SMARCA4: variants seen among roughly 807,000 people sequenced by gnomAD.
The protein encoded by SMARCA4 is SWI/SNF-related matrix-associated actin-dependent regulator of chromatin subfamily A member 4.
A neutral mutation model predicts 193.9 loss-of-function variants in SMARCA4; 31 were observed. That is an observed-to-expected ratio of 0.16 (90% confidence interval 0.12 to 0.22). SMARCA4 has a LOEUF of 0.22. Among genes scored for constraint, SMARCA4 ranks in the 10% least tolerant of loss-of-function variants. The probability of loss-of-function intolerance (pLI) is 1.00; values close to 1 mark genes in which losing one functional copy is unlikely to be tolerated. For synonymous variants in SMARCA4, 942 were observed against 933.1 expected (o/e 1.01, Z -0.17); for missense variants, 1,148 against 2,296.0 (o/e 0.50, Z 10.22).
In SMARCA4 at chr19:11,033,807, C is replaced by T. The variant is rs1600393609; in HGVS notation, c.3815C>T (p.Ala1272Val). 1 of 779,788 alleles carries T rather than the reference C, an allele frequency of 1.3e-6. No individual in the cohort carries two copies. The highest frequency in any genetic ancestry group is 2.4e-6 in the Non-Finnish European group (1 of 418,202). The allele number at this position is 779,788 out of a possible 1,614,324, so 48.3% of individuals were successfully genotyped here. Residue 1272 changes from alanine to valine, a missense_variant, in exon 27 of 35, where the codon GCC (alanine) becomes GTC (valine). Ala to Val is a moderately conservative substitution (Grantham distance 64). Transcript: ENST00000344626. This position sits in a 1 kb window ranked among gnomAD's most constrained non-coding sequence, Gnocchi z 9.8. The part of the protein sequence containing the change: ...CSTGSGSASF[A>V]HTAPPPAGVN... Reference sequence around the variant, plus strand: ...ACGGGCAGCGGCAGTGCCAGCTTCGCCCACACTGCCCCTCCGCCAGCGGGC... The same window carrying T: ...ACGGGCAGCGGCAGTGCCAGCTTCGTCCACACTGCCCCTCCGCCAGCGGGC...
intron 21 of SMARCA4, 151 bp from the exon 22 acceptor site, chr19:11,025,271 C>G (rs1028535643): frequency 3.0e-6 from 2 of 665,916 alleles, no homozygotes; most frequent in Non-Finnish European, 5.5e-6. Flanking sequence ...CTCCAGCCTG[C>G]CATCTCCTCA....
rs1418442848 is a variant in SMARCA4 at position 11,039,401 on chromosome 19, A to C, written c.4171-1906A>C. 10 of 1,030,338 alleles carry C rather than the reference A, an allele frequency of 9.7e-6. No homozygotes were observed. In the African/African-American group the frequency reaches 1.5e-4, roughly 15 times the overall value. The allele number at this position is 1,030,338 out of a possible 1,614,324, so 63.8% of individuals were successfully genotyped here. On this transcript the variant is annotated intron_variant, in intron 29 of 34. Transcript: ENST00000344626. ...AATGCCCAAGAACAAGGGGAGGCTA[A>C]ATTAGGGCACGTTGTGCACTGAAAC...
At position 10,995,248 on chromosome 19, in the gene SMARCA4, A is replaced by T. The variant is rs1446711402; in HGVS notation, c.1593+247A>T. 7.8e-6 allele frequency: 5 copies of T among 642,088 alleles called. No homozygotes were observed. The Admixed American group carries it at 1.0e-4, about 13-fold the overall frequency. 39.8% of individuals were successfully genotyped at this position (642,088 alleles called of 1,614,324 possible). A position where few individuals can be genotyped will look rare whatever the true frequency, so the allele number is the denominator to read the frequency against. On this transcript the variant is annotated intron_variant, in intron 9 of 34. Transcript: ENST00000344626. ...CCGGCTCCTCTGCCTTCTCTGGAAA[A>T]TGGAGGTGGTGCCCCCTTCCCTCGT...
intron 29 of SMARCA4, among the ~76,000 whole-genome samples, chr19:11,036,997 G>A (rs559158184): frequency 2.4e-4 from 36 of 152,316 alleles, no homozygotes; most frequent in Non-Finnish European, 3.1e-4. Flanking sequence ...ATCCTGCCTC[G>A]TACAGATTTG....
intron 29 of SMARCA4, among the ~76,000 whole-genome samples, chr19:11,037,812 G>A (rs2075355748): frequency 6.6e-6 from 1 of 152,202 alleles, no homozygotes; most frequent in Non-Finnish European, 1.5e-5. Flanking sequence ...TATACATGAT[G>A]TGAGGTAGGG....
rs1445070352 is a variant in SMARCA4 at position 11,061,202 on chromosome 19, AAAATATATATATATATATATATAT to A, written c.4912-580_4912-557del. On this transcript the variant is annotated intron_variant, in intron 34 of 34. Coordinates refer to ENST00000344626, the MANE Select transcript of SMARCA4 (RefSeq NM_003072.5). ...GACCCTGTCTTTAAAAAAAAAAAAA[AAAATATATATATATATATATATAT>A]ATATATATATATATATGAAAGAGCA... Among the ~76,000 whole-genome samples the A allele has an allele frequency of 4.1e-3, 255 of 61,448 alleles. 6 individuals are homozygous for A. Among genetic ancestry groups the A allele is most frequent in the Non-Finnish European group, 2.1e-3 (74 of 35,046 alleles). 40.3% of individuals were successfully genotyped at this position (61,448 alleles called of 152,430 possible).
intron 1 of SMARCA4, among the ~76,000 whole-genome samples, chr19:10,971,742 A>G (rs1012196121): frequency 6.6e-6 from 1 of 150,782 alleles, no homozygotes; most frequent in African/African-American, 2.4e-5. Flanking sequence ...TGCTGGAATT[A>G]CAGGCGTGAG....
rs2086010606 is a variant in SMARCA4, at chr19:10,986,164, C to A, written c.356-25C>A. ...ATCACAGACATATGCTGCCGAGTGA[C>A]CAGTGGGCTGACCTTTCTCTGCAGG... On this transcript the variant is annotated intron_variant, in intron 3 of 34. Transcript: ENST00000344626. This position sits in a 1 kb window ranked among gnomAD's most constrained non-coding sequence, Gnocchi z 6.7. 3 of 1,579,542 alleles carry A rather than the reference C, an allele frequency of 1.9e-6. No homozygotes were observed. Among genetic ancestry groups the A allele is most frequent in the Non-Finnish European group, 2.6e-6 (3 of 1,148,938 alleles).
chr19:11,033,915 G>T lies in SMARCA4; in HGVS notation c.3873+50G>T. On this transcript the variant is annotated intron_variant, in intron 27 of 34. Transcript: ENST00000344626. This position sits in a 1 kb window ranked among gnomAD's most constrained non-coding sequence, Gnocchi z 9.8. ...TGCCCATTCAATCCTCGGCTTCTCGGCTGAGACGGCCAGCAAGGGCCCTGG... is the reference window on the plus strand; with the variant it reads ...TGCCCATTCAATCCTCGGCTTCTCGTCTGAGACGGCCAGCAAGGGCCCTGG... The T allele has an allele frequency of 1.3e-6, 1 of 763,378 alleles. No individual in the cohort carries two copies. Among genetic ancestry groups the T allele is most frequent in the Non-Finnish European group, 2.4e-6 (1 of 413,698 alleles). 47.3% of individuals were successfully genotyped at this position (763,378 alleles called of 1,614,324 possible). A position where few individuals can be genotyped will look rare whatever the true frequency, so the allele number is the denominator to read the frequency against.
chr19:11,058,664 C>T lies in SMARCA4; in HGVS notation c.4534-124C>T, dbSNP rs549995195. ...TAGTGAGCCAGGTTACCGAGGCTGG[C>T]GCTTCGGCCACATCCTCATAGGCAC... On this transcript the variant is annotated intron_variant, in intron 31 of 34. Transcript: ENST00000344626. The surrounding 1 kb of genome is among the most constrained non-coding windows in gnomAD (Gnocchi z 5.8). 33 of 820,102 alleles carry T rather than the reference C, an allele frequency of 4.0e-5. 1 individual carries two copies. The highest frequency in any genetic ancestry group is 3.7e-4 in the South Asian group (26 of 70,486). 50.8% of individuals were successfully genotyped at this position (820,102 alleles called of 1,614,324 possible). A position where few individuals can be genotyped will look rare whatever the true frequency, so the allele number is the denominator to read the frequency against.
chr19:10,970,309 A>G (rs547506960), intron 1 of SMARCA4, among the ~76,000 whole-genome samples: 13 of 152,310 alleles, frequency 8.5e-5, no homozygotes, highest in African/African-American at 2.9e-4. Context: ...GCTTTAGCAA[A>G]TCAATCAAAT....
chr19:10,982,561 A>G (rs1008800803), intron 1 of SMARCA4, among the ~76,000 whole-genome samples: 1 of 150,586 alleles, frequency 6.6e-6, no homozygotes, highest in Non-Finnish European at 1.5e-5. Context: ...GTGCGGTGGC[A>G]CGATCTCGGC....
At chr19:11,061,661 C>A in intron 34 of SMARCA4, 123 bp from the exon 35 acceptor site, 2 of 955,278 alleles carry the variant, frequency 2.1e-6, no homozygotes, top group Non-Finnish European at 3.4e-6. Flanking sequence ...CGGGCGTGAG[C>A]CACCGTGCCC....
rs199595538 is a variant in SMARCA4, at chr19:11,059,230, CTCTG to C, written c.4635+347_4635+350del. The C allele has an allele frequency of 0.012, 3,693 of 319,382 alleles. 85 individuals are homozygous for C. The highest frequency in any genetic ancestry group is 0.044 in the South Asian group (1,312 of 29,942). 19.8% of individuals were successfully genotyped at this position (319,382 alleles called of 1,614,324 possible). ...CAACAGAAGAAATAGACTCAGAGTC[CTCTG>C]TCTGTTGGAATTTTATTTTAAATTC... On this transcript the variant is annotated intron_variant, in intron 32 of 34. Transcript: ENST00000344626.
rs202061500 is a variant in SMARCA4, at chr19:11,021,679, G to A, written c.2617-46G>A. 6 of 1,572,572 alleles carry A rather than the reference G, an allele frequency of 3.8e-6. No individual in the cohort carries two copies. In the East Asian group the frequency reaches 9.5e-5, roughly 25 times the overall value. Reference sequence around the variant, plus strand: ...GTGGGAGATTCTCCCCATGTGCCGGGCCACCTGCTGCCCCCTGCCCTGATT... The same window carrying A: ...GTGGGAGATTCTCCCCATGTGCCGGACCACCTGCTGCCCCCTGCCCTGATT... On this transcript the variant is annotated intron_variant, in intron 18 of 34. Transcript: ENST00000344626.
chr19:10,962,607 A>G (rs1176610689), intron 1 of SMARCA4, among the ~76,000 whole-genome samples: 2 of 152,108 alleles, frequency 1.3e-5, no homozygotes, highest in South Asian at 2.1e-4. Context: ...CAGAGTCCCA[A>G]TCTCCGCTCA....
chr19:10,990,222 C>A (rs1328575708), intron 7 of SMARCA4, among the ~76,000 whole-genome samples: 1 of 152,124 alleles, frequency 6.6e-6, no homozygotes, highest in East Asian at 1.9e-4. Flanking sequence ...GGTGCCATCT[C>A]ACCCCACTGT....
intron 11 of SMARCA4, 84 bp downstream of exon 11, chr19:10,996,628 T>TA: frequency 7.7e-7 from 1 of 1,298,282 alleles, no homozygotes; most frequent in Non-Finnish European, 1.1e-6. Context: ...TGTGTTCTTT[T>TA]AAAATTACGA....
intron 1 of SMARCA4, among the ~76,000 whole-genome samples, chr19:10,963,583 A>AT (rs2083982469): frequency 6.6e-6 from 1 of 151,930 alleles, no homozygotes; most frequent in African/African-American, 2.4e-5. Context: ...GACCTCCTGA[A>AT]TTCACACCCA....
Sources: allele counts gnomAD v4.1 joint callset (sites outside exome capture counted in the v4.1 genomes callset), GRCh38; gene constraint gnomAD v4.1.1; non-coding constraint Gnocchi (gnomAD v3.1); transcripts MANE v1.5; gene names NCBI Gene and HGNC (gene_info 2026-07-23, HGNC 2026-07-21).